Variants in SNTG1 observed in about 807,000 individuals in gnomAD.
SNTG1 encodes the protein gamma-1-syntrophin.
Under a neutral mutation model 74.7 loss-of-function variants are expected in SNTG1, and 39 were observed. That is an observed-to-expected ratio of 0.52 (90% CI 0.40 to 0.68). The LOEUF (loss-of-function observed/expected upper bound fraction) is 0.68, where lower values mean the gene tolerates loss of function less well. SNTG1 is among the 30% of genes least tolerant of loss of function. SNTG1 has a pLI of 0.00. For missense variants in SNTG1, 685 were observed against 609.5 expected (o/e 1.12, Z -1.30); for synonymous variants, 254 against 217.1 (o/e 1.17, Z -1.49).
intron 13 of SNTG1, among the ~76,000 whole-genome samples, chr8:50,594,143 T>G (rs912129297): frequency 6.6e-6 from 1 of 152,164 alleles, no homozygotes; most frequent in Non-Finnish European, 1.5e-5. Flanking sequence ...TGAATGGAAG[T>G]CAAGTGATGT....
intron 4 of SNTG1, among the ~76,000 whole-genome samples, chr8:50,411,956 C>A (rs2092954954): frequency 6.6e-6 from 1 of 152,102 alleles, no homozygotes; most frequent in African/African-American, 2.4e-5. Context: ...CCTGTGTCTC[C>A]TTTGATTAGG....
intron 1 of SNTG1, among the ~76,000 whole-genome samples, chr8:50,134,018 A>G (rs868372252): frequency 1.3e-5 from 2 of 152,178 alleles, no homozygotes; most frequent in Non-Finnish European, 2.9e-5. Flanking sequence ...TAAATTTTCT[A>G]TATTGTTGAG....
At chr8:50,461,788 T>C (rs752564536) in intron 8 of SNTG1, among the ~76,000 whole-genome samples, 10 of 152,128 alleles carry the variant, frequency 6.6e-5, no homozygotes, top group Non-Finnish European at 1.3e-4. Context: ...CTTTTCAGGC[T>C]GATCTTGCAT....
At chr8:50,397,074 C>T (rs936557085) in intron 3 of SNTG1, among the ~76,000 whole-genome samples, 1 of 152,120 alleles carries the variant, frequency 6.6e-6, no homozygotes, top group African/African-American at 2.4e-5. Context: ...TAAAAAGTTC[C>T]ATCTAGAATC....
intron 2 of SNTG1, among the ~76,000 whole-genome samples, chr8:50,214,323 G>A (rs1052409099): frequency 1.5e-4 from 22 of 151,068 alleles, no homozygotes; most frequent in Middle Eastern, 3.4e-3. Context: ...ACGAGTTAAT[G>A]GGTGCAGCAC....
chr8:50,085,853 G>A (rs1220197224), intron 1 of SNTG1, among the ~76,000 whole-genome samples: 1 of 152,176 alleles, frequency 6.6e-6, no homozygotes, highest in East Asian at 1.9e-4. Flanking sequence ...ACACACTGAT[G>A]CCCAAGCCTT....
chr8:50,300,143 T>C (rs1379127780), intron 2 of SNTG1, among the ~76,000 whole-genome samples: 1 of 152,144 alleles, frequency 6.6e-6, no homozygotes, highest in East Asian at 1.9e-4. Flanking sequence ...TTTGCTCAGT[T>C]AGTAGCTAAC....
At chr8:50,556,949 G>A (rs147367006) in intron 12 of SNTG1, among the ~76,000 whole-genome samples, 1 of 152,132 alleles carries the variant, frequency 6.6e-6, no homozygotes, top group Non-Finnish European at 1.5e-5. Flanking sequence ...CACATGCTGA[G>A]GGCTGGCTCA....
intron 1 of SNTG1, among the ~76,000 whole-genome samples, chr8:49,996,612 G>A (rs188766940): frequency 6.6e-6 from 1 of 151,954 alleles, no homozygotes; most frequent in African/African-American, 2.4e-5. Flanking sequence ...AATTTTATTT[G>A]AATAAATGAC....
At chr8:50,099,023 T>A (rs926094000) in intron 1 of SNTG1, among the ~76,000 whole-genome samples, 17 of 152,046 alleles carry the variant, frequency 1.1e-4, no homozygotes, top group Admixed American at 9.2e-4. Flanking sequence ...CATTTTGAAA[T>A]TTTTGAGGTT....
intron 8 of SNTG1, among the ~76,000 whole-genome samples, chr8:50,491,756 C>A (rs960133390): frequency 6.6e-6 from 1 of 151,838 alleles, no homozygotes; most frequent in African/African-American, 2.4e-5. Context: ...TTCTGGGGTA[C>A]ATGTGTGGAA....
Position 50,507,891 on chromosome 8 carries a change from G to T in SNTG1, c.466+5011G>T, listed in dbSNP as rs567168311. On this transcript the variant is annotated intron_variant, in intron 9 of 18. Transcript: ENST00000642720. The stretch of plus-strand genomic sequence containing the variant: ...GATGTTCCCCTTCCTGTGTCCATGT[G>T]TTCTCATTGTTCAATTCCCACCTTC... 2.0e-5 allele frequency among the ~76,000 whole-genome samples: 3 copies of T among 147,510 alleles called. No homozygotes were observed. The South Asian group carries it at 6.5e-4, about 32-fold the overall frequency.
intron 1 of SNTG1, among the ~76,000 whole-genome samples, chr8:50,153,171 A>G (rs534276146): frequency 6.6e-6 from 1 of 152,268 alleles, no homozygotes; most frequent in East Asian, 1.9e-4. Flanking sequence ...TCAATCACTG[A>G]TACCCTTTCT....
intron 1 of SNTG1, among the ~76,000 whole-genome samples, chr8:49,983,599 C>T (rs916343774): frequency 1.3e-5 from 2 of 152,108 alleles, no homozygotes; most frequent in African/African-American, 4.8e-5. Context: ...GGTGCCTAAA[C>T]ACCCAATAAT....
chr8:50,469,784 G>C (rs2093637356), intron 8 of SNTG1, among the ~76,000 whole-genome samples: 1 of 152,142 alleles, frequency 6.6e-6, no homozygotes. Flanking sequence ...TTTAAAATCA[G>C]CCTGGCCAAC....
chr8:50,131,818 C>T (rs1334125319), intron 1 of SNTG1, among the ~76,000 whole-genome samples: 2 of 151,992 alleles, frequency 1.3e-5, no homozygotes, highest in Non-Finnish European at 2.9e-5. Flanking sequence ...AAGGATGTCC[C>T]TCTCTTCACA....
rs34101589 is a variant in SNTG1 at position 50,621,063 on chromosome 8, CTTT to C, written c.849+30160_849+30162del. ...CAGGGCTGTAACCATAAAGAGATAA[CTTT>C]TTTTTTTTTTTTTGAGATGTGGTTA... On this transcript the variant is annotated intron_variant, in intron 13 of 18. Coordinates refer to ENST00000642720, the MANE Select transcript of SNTG1 (RefSeq NM_018967.5). 1.4e-3 allele frequency among the ~76,000 whole-genome samples: 199 copies of C among 145,378 alleles called. 1 individual carries two copies. Among genetic ancestry groups the C allele is most frequent in the Middle Eastern group, 7.1e-3 (2 of 282 alleles).
At chr8:50,326,273 T>C (rs1274113690) in intron 2 of SNTG1, among the ~76,000 whole-genome samples, 1 of 152,100 alleles carries the variant, frequency 6.6e-6, no homozygotes, top group East Asian at 1.9e-4. Flanking sequence ...AAAATTGGTA[T>C]AATTTCTTCC....
intron 2 of SNTG1, among the ~76,000 whole-genome samples, chr8:50,385,063 C>T (rs986623461): frequency 1.3e-5 from 2 of 152,160 alleles, no homozygotes; most frequent in African/African-American, 4.8e-5. Flanking sequence ...GAGGACTTGT[C>T]CTGTGATTCA....
Sources: allele counts gnomAD v4.1 joint callset (sites outside exome capture counted in the v4.1 genomes callset), GRCh38; gene constraint gnomAD v4.1.1; transcripts MANE v1.5; gene names NCBI Gene and HGNC (gene_info 2026-07-23, HGNC 2026-07-21).